Variants in GNPAT observed in about 807,000 individuals in gnomAD.
The protein encoded by GNPAT is glyceronephosphate O-acyltransferase, also known as dihydroxyacetone phosphate acyltransferase.
A neutral mutation model predicts 78.4 loss-of-function variants in GNPAT; 30 were observed. The observed-to-expected ratio is 0.38, with a 90% CI of 0.29 to 0.52. The LOEUF is 0.52. Ranked by LOEUF, GNPAT falls within the 20% of genes least tolerant of loss-of-function variation. The probability of loss-of-function intolerance (pLI) is 0.84; values close to 1 mark genes in which losing one functional copy is unlikely to be tolerated. For synonymous variants in GNPAT, 271 were observed against 281.1 expected (o/e 0.96, Z 0.36); for missense variants, 714 against 812.2 (o/e 0.88, Z 1.47).
At position 231,277,560 on chromosome 1, in the gene GNPAT, T is replaced by A; in HGVS notation, c.*18T>A. 2.0e-6 allele frequency: 3 copies of A among 1,509,522 alleles called. No homozygotes were observed. The highest frequency in any genetic ancestry group is 2.8e-6 in the Non-Finnish European group (3 of 1,084,506). The allele number at this position is 1,509,522 out of a possible 1,614,324, so 93.5% of individuals were successfully genotyped here. A position where few individuals can be genotyped will look rare whatever the true frequency, so the allele number is the denominator to read the frequency against. ...AACTTTAATAATCAACAAATAGTTA[T>A]GGAAAATTCGGTCACGTAATTACTC... On this transcript the variant is annotated 3_prime_UTR_variant, in exon 16 of 16. Coordinates refer to ENST00000366647, the MANE Select transcript of GNPAT (RefSeq NM_014236.4).
chr1:231,260,357 C>A, intron 2 of GNPAT, 150 bp from the exon 3 acceptor site: 1 of 625,710 alleles, frequency 1.6e-6, no homozygotes. Context: ...TCTACTATGA[C>A]TGTGTTGGGA....
chr1:231,277,374 G>C, intron 15 of GNPAT, 125 bp from the exon 16 acceptor site: 1 of 742,532 alleles, frequency 1.3e-6, no homozygotes, highest in Non-Finnish European at 2.5e-6. Context: ...CATGGGTACT[G>C]GCCAGCCTGT....
intron 2 of GNPAT, 106 bp from the exon 3 acceptor site, chr1:231,260,401 A>G (rs2102812928): frequency 1.3e-6 from 1 of 795,952 alleles, no homozygotes; most frequent in Admixed American, 1.7e-5. Flanking sequence ...TCTTTGAGTT[A>G]TAGAAGATTA....
Position 231,260,508 on chromosome 1 carries a change from T to G in GNPAT, c.263T>G (p.Leu88Arg), listed in dbSNP as rs1428421116. ...SEEIHYVIKQ[L>R]SKESLQSVDV... ...TTCCTGCTTTTCCTTTCCTTTTAGC[T>G]TTCCAAGGAATCCCTTCAATCTGTG... The change falls in exon 3 of 16, where the codon CTT (leucine) becomes CGT (arginine). Residue 88 changes from leucine to arginine, a missense_variant and splice_region_variant. Leu to Arg is a moderately radical substitution (Grantham distance 102). Coordinates refer to ENST00000366647, the MANE Select transcript of GNPAT (RefSeq NM_014236.4). The G allele has an allele frequency of 3.7e-6, 6 of 1,603,144 alleles. No homozygotes were observed. The highest frequency in any genetic ancestry group is 4.3e-6 in the Non-Finnish European group (5 of 1,170,228).
intron 2 of GNPAT, among the ~76,000 whole-genome samples, chr1:231,252,513 A>G (rs952996322): frequency 5.9e-5 from 9 of 152,126 alleles, no homozygotes; most frequent in Non-Finnish European, 1.5e-5. Context: ...GGATAAATGG[A>G]TGCATTGCAG....
intron 3 of GNPAT, among the ~76,000 whole-genome samples, chr1:231,261,771 G>T (rs1281896900): frequency 2.0e-5 from 3 of 152,136 alleles, no homozygotes; most frequent in Non-Finnish European, 4.4e-5. Flanking sequence ...CTTATGAAGA[G>T]TATTTTTACT....
chr1:231,261,918 C>T (rs1043327187), intron 3 of GNPAT, among the ~76,000 whole-genome samples: 6 of 152,008 alleles, frequency 3.9e-5, no homozygotes, highest in Non-Finnish European at 7.4e-5. Flanking sequence ...TGACTGTTTT[C>T]GAGATTGCTG....
Position 231,266,139 on chromosome 1 carries a change from G to T in GNPAT, c.898G>T (p.Val300Phe). 2 of 1,613,306 alleles carry T rather than the reference G, an allele frequency of 1.2e-6. No individual in the cohort carries two copies. Among genetic ancestry groups the T allele is most frequent in the Non-Finnish European group, 1.7e-6 (2 of 1,179,422 alleles). Residue 300 changes from valine to phenylalanine, a missense_variant, in exon 7 of 16, where the codon GTT becomes TTT. Transcript: ENST00000366647. ...TCTTTATGTGTATGAGCTTCTAGGG[G>T]TTCCTAAACCAAAAGAGTCTACAAC... ...ETLYVYELLG[V>F]PKPKESTTGL...
intron 3 of GNPAT, among the ~76,000 whole-genome samples, chr1:231,261,577 T>C (rs1685226670): frequency 6.6e-6 from 1 of 152,186 alleles, no homozygotes; most frequent in South Asian, 2.1e-4. Context: ...TGTAAAGTTA[T>C]TATTTTTTCC....
chr1:231,275,314 G>T lies in GNPAT; in HGVS notation c.1837G>T (p.Asp613Tyr), dbSNP rs145600712. Residue 613 changes from aspartate to tyrosine, a missense_variant, in exon 13 of 16, where the codon GAT becomes TAT. Coordinates refer to ENST00000366647, the MANE Select transcript of GNPAT (RefSeq NM_014236.4). ...AVRKFTSQLL[D>Y]QGTSQCYDVL... ...CAGAAAATTCACAAGTCAGCTTCTC[G>T]ATCAAGGTCAGTCACTGCTCTGTGG... 1.3e-5 allele frequency: 21 copies of T among 1,608,652 alleles called. No homozygotes were observed. The highest frequency in any genetic ancestry group is 1.6e-5 in the Non-Finnish European group (19 of 1,174,958).
At chr1:231,257,492 C>G (rs1377272897) in intron 2 of GNPAT, among the ~76,000 whole-genome samples, 1 of 152,204 alleles carries the variant, frequency 6.6e-6, no homozygotes, top group African/African-American at 2.4e-5. Context: ...TACACACTCT[C>G]TTCTTCAGGA....
chr1:231,271,086 T>C (rs1685552070), intron 10 of GNPAT, 86 bp downstream of exon 10: 2 of 1,444,304 alleles, frequency 1.4e-6, no homozygotes, highest in Admixed American at 1.7e-5. Flanking sequence ...AGCCTTGTAA[T>C]GTTCAGCCTC....
rs1357867732 is a variant in GNPAT, at chr1:231,277,894, T to C, written c.*352T>C. 1.1e-5 allele frequency: 2 copies of C among 187,226 alleles called. No individual in the cohort carries two copies. Among genetic ancestry groups the C allele is most frequent in the Non-Finnish European group, 2.2e-5 (2 of 89,802 alleles). The allele number at this position is 187,226 out of a possible 1,614,324, so 11.6% of individuals were successfully genotyped here. A position where few individuals can be genotyped will look rare whatever the true frequency, so the allele number is the denominator to read the frequency against. On this transcript the variant is annotated 3_prime_UTR_variant, in exon 16 of 16. Coordinates refer to ENST00000366647, the MANE Select transcript of GNPAT (RefSeq NM_014236.4). Reference sequence around the variant, plus strand: ...ATTAAAGTATGACAACACTGAAAGCTCTGGATATTAAAAGAAAATGAAAAG... The same window carrying C: ...ATTAAAGTATGACAACACTGAAAGCCCTGGATATTAAAAGAAAATGAAAAG...
intron 1 of GNPAT, among the ~76,000 whole-genome samples, chr1:231,247,805 A>G (rs893284751): frequency 6.6e-5 from 10 of 152,204 alleles, no homozygotes; most frequent in Non-Finnish European, 1.0e-4. Context: ...AGGGAACTGC[A>G]GGTCTTGGCA....
chr1:231,276,629 C>G lies in GNPAT; in HGVS notation c.1999+433C>G, dbSNP rs79695702. On this transcript the variant is annotated intron_variant, in intron 15 of 15. Coordinates refer to ENST00000366647, the MANE Select transcript of GNPAT (RefSeq NM_014236.4). Reference sequence around the variant, plus strand: ...CTCAGAATTAGGGCTGATAGCACATCCTTGGGAGAATAATCCAACCCTTAC... The same window carrying G: ...CTCAGAATTAGGGCTGATAGCACATGCTTGGGAGAATAATCCAACCCTTAC... 3.4e-4 allele frequency among the ~76,000 whole-genome samples: 52 copies of G among 152,302 alleles called. No individual in the cohort carries two copies. The East Asian group carries it at 8.3e-3, about 24-fold the overall frequency.
At chr1:231,247,720 C>G (rs1036761317) in intron 1 of GNPAT, among the ~76,000 whole-genome samples, 5 of 152,162 alleles carry the variant, frequency 3.3e-5, no homozygotes, top group African/African-American at 1.2e-4. Context: ...CATAGGCATT[C>G]AGATATTTGA....
At chr1:231,255,737 A>G (rs1685036994) in intron 2 of GNPAT, among the ~76,000 whole-genome samples, 1 of 152,040 alleles carries the variant, frequency 6.6e-6, no homozygotes, top group Non-Finnish European at 1.5e-5. Context: ...ACCTGGCTCA[A>G]AATTGGCCAC....
At chr1:231,254,904 A>G (rs761664484) in intron 2 of GNPAT, among the ~76,000 whole-genome samples, 4 of 151,716 alleles carry the variant, frequency 2.6e-5, no homozygotes, top group Non-Finnish European at 5.9e-5. Context: ...GGCACCCACC[A>G]CTGCGCCTGG....
intron 15 of GNPAT, among the ~76,000 whole-genome samples, 156 bp from the exon 16 acceptor site, chr1:231,277,343 T>C (rs369354709): frequency 7.9e-5 from 12 of 152,290 alleles, no homozygotes; most frequent in East Asian, 7.7e-4. Context: ...CCGCTTCCCT[T>C]GTGGAGGGGG....
Sources: gnomAD v4.1 joint callset for allele counts (sites outside exome capture counted in the v4.1 genomes callset) on GRCh38, gnomAD v4.1.1 for gene constraint, MANE v1.5 for transcripts, NCBI Gene and HGNC (gene_info 2026-07-23, HGNC 2026-07-21) for gene names.